The following ZKSCAN5 variants were observed in gnomAD, a reference collection of about 807,000 sequenced individuals.
ZKSCAN5 encodes the protein zinc finger protein with KRAB and SCAN domains 5.
A neutral mutation model predicts 60.0 loss-of-function variants in ZKSCAN5; 28 were observed. That is an observed-to-expected ratio of 0.47 (90% CI 0.35 to 0.64). ZKSCAN5 has a LOEUF of 0.64. ZKSCAN5 is among the 30% of genes least tolerant of loss of function. The probability of loss-of-function intolerance (pLI) is 0.01; values close to 1 mark genes in which losing one functional copy is unlikely to be tolerated. For missense variants in ZKSCAN5, 881 were observed against 1,034.6 expected, an observed-to-expected ratio of 0.85 and a Z score of 2.04; for synonymous variants, 361 against 371.2, an observed-to-expected ratio of 0.97 and a Z score of 0.31.
chr7:99,531,056 CAA>C (rs112083284), intron 6 of ZKSCAN5, 50 bp from the exon 7 acceptor site: 441 of 1,147,994 alleles, frequency 3.8e-4, no homozygotes, highest in Middle Eastern at 1.5e-3. Context: ...GACCCCATCT[CAA>C]AAAAAAAAAA....
chr7:99,511,529 ACCT>A (rs1291944896), intron 2 of ZKSCAN5, among the ~76,000 whole-genome samples: 12 of 151,292 alleles, frequency 7.9e-5, no homozygotes, highest in Non-Finnish European at 1.6e-4. Flanking sequence ...TGCAGCCTTG[ACCT>A]CCTGGGCTCA....
intron 2 of ZKSCAN5, among the ~76,000 whole-genome samples, chr7:99,507,499 G>GTGTATATATA (rs1800800626): frequency 7.6e-6 from 1 of 130,868 alleles, no homozygotes; most frequent in East Asian, 3.8e-4. Flanking sequence ...ATGTATATAT[G>GTGTATATATA]TGTATATATA....
At position 99,525,794 on chromosome 7, in the gene ZKSCAN5, T is replaced by C. The variant is rs1223968785; in HGVS notation, c.773-19T>C. 5 of 1,570,440 alleles carry C rather than the reference T, an allele frequency of 3.2e-6. No homozygotes were observed. Among genetic ancestry groups the C allele is most frequent in the Non-Finnish European group, 4.3e-6 (5 of 1,158,234 alleles). ...TTCAAGGAAAAGCTCATTTTTTAAT[T>C]CTCCCTCTGTTATTTCAGGTTATGA... On this transcript the variant is annotated intron_variant, in intron 5 of 6. Transcript: ENST00000326775.
rs376086569 is a variant in ZKSCAN5 at position 99,524,197 on chromosome 7, A to G, written c.773-1616A>G. Among the ~76,000 whole-genome samples the G allele has an allele frequency of 1.2e-3, 182 of 151,400 alleles. 2 individuals carry two copies. The highest frequency in any genetic ancestry group is 4.1e-3 in the African/African-American group (169 of 41,214). On this transcript the variant is annotated intron_variant, in intron 5 of 6. Coordinates refer to ENST00000326775, the MANE Select transcript of ZKSCAN5 (RefSeq NM_145102.4). Reference sequence around the variant, plus strand: ...GCGATTCTCGTGCCTCAGCCTCCTGAGTAGCTGGGATTACAGGTGTGTGCC... The same window carrying G: ...GCGATTCTCGTGCCTCAGCCTCCTGGGTAGCTGGGATTACAGGTGTGTGCC...
intron 3 of ZKSCAN5, among the ~76,000 whole-genome samples, chr7:99,514,840 G>A (rs566666561): frequency 6.6e-6 from 1 of 151,890 alleles, no homozygotes; most frequent in Non-Finnish European, 1.5e-5. Context: ...GAACCCGGGA[G>A]TTGGAGGTTG....
intron 2 of ZKSCAN5, among the ~76,000 whole-genome samples, chr7:99,510,940 C>T (rs1050343237): frequency 7.9e-5 from 12 of 152,068 alleles, no homozygotes; most frequent in African/African-American, 2.4e-4. Context: ...GGTGTGGTCT[C>T]GCCATGTTGC....
chr7:99,529,797 G>A (rs1055559553), intron 6 of ZKSCAN5, among the ~76,000 whole-genome samples: 2 of 152,026 alleles, frequency 1.3e-5, no homozygotes, highest in East Asian at 1.9e-4. Flanking sequence ...GTGCAGTGGC[G>A]CAATCTTGGC....
At position 99,525,888 on chromosome 7, in the gene ZKSCAN5, C is replaced by T. The variant is rs756964645; in HGVS notation, c.848C>T (p.Pro283Leu). 2 of 1,614,012 alleles carry T rather than the reference C, an allele frequency of 1.2e-6. No individual in the cohort carries two copies. Among genetic ancestry groups the T allele is most frequent in the Middle Eastern group, 1.6e-4 (1 of 6,062 alleles). The part of the protein sequence containing the change: ...SDDSESHWVA[P>L]EHTERSVPQD... Reference sequence around the variant, plus strand: ...GACTCTGAATCACACTGGGTGGCGCCAGAACACACCGAAAGGAGCGTTCCT... The same window carrying T: ...GACTCTGAATCACACTGGGTGGCGCTAGAACACACCGAAAGGAGCGTTCCT... Residue 283 changes from proline (P) to leucine (L), a missense_variant, in exon 6 of 7, where the codon CCA becomes CTA. This residue lies in a region of ZKSCAN5 where 490 missense variants were observed against 554.5 expected (regional missense o/e 0.88). Coordinates refer to ENST00000326775, the MANE Select transcript of ZKSCAN5 (RefSeq NM_145102.4).
chr7:99,528,139 TA>T (rs890799336), intron 6 of ZKSCAN5, among the ~76,000 whole-genome samples: 21 of 150,332 alleles, frequency 1.4e-4, no homozygotes, highest in African/African-American at 4.4e-4. Flanking sequence ...TTTTTTTTTT[TA>T]ATTCTGCCTT....
At chr7:99,528,662 AG>A (rs1801913418) in intron 6 of ZKSCAN5, among the ~76,000 whole-genome samples, 1 of 152,154 alleles carries the variant, frequency 6.6e-6, no homozygotes, top group Non-Finnish European at 1.5e-5. Flanking sequence ...TCTAGGCTTA[AG>A]CGATCCTCCA....
chr7:99,513,492 C>G (rs1053164101), intron 3 of ZKSCAN5, among the ~76,000 whole-genome samples: 1 of 152,120 alleles, frequency 6.6e-6, no homozygotes, highest in Non-Finnish European at 1.5e-5. Context: ...CTCCCAGGTT[C>G]AAGTGATACC....
chr7:99,531,297 G>C lies in ZKSCAN5; in HGVS notation c.1568G>C (p.Gly523Ala). 6.2e-7 allele frequency: 1 copy of C among 1,614,070 alleles called. No homozygotes were observed. The highest frequency in any genetic ancestry group is 8.5e-7 in the Non-Finnish European group (1 of 1,180,026). Residue 523 changes from glycine (G) to alanine (A), a missense_variant, in exon 7 of 7, where the codon GGA (glycine) becomes GCA (alanine). This residue lies in a region of ZKSCAN5 where 490 missense variants were observed against 554.5 expected (regional missense o/e 0.88). Coordinates refer to ENST00000326775, the MANE Select transcript of ZKSCAN5 (RefSeq NM_145102.4). ...KQGIPMKEILGQPSSKRMNYS... is the reference protein window; with the variant it reads ...KQGIPMKEILAQPSSKRMNYS... ...GGAATTCCCATGAAAGAGATACTAG[G>C]ACAACCATCTTCAAAGAGGATGAAC... is the stretch of plus-strand genomic sequence containing the variant.
At chr7:99,528,574 T>G (rs1460550028) in intron 6 of ZKSCAN5, among the ~76,000 whole-genome samples, 1 of 152,052 alleles carries the variant, frequency 6.6e-6, no homozygotes, top group Non-Finnish European at 1.5e-5. Flanking sequence ...CTACAAGTGT[T>G]CACCACCACA....
chr7:99,524,687 G>C (rs966102063), intron 5 of ZKSCAN5, among the ~76,000 whole-genome samples: 4 of 152,192 alleles, frequency 2.6e-5, no homozygotes, highest in African/African-American at 9.7e-5. Context: ...CTTGAAAGTA[G>C]TAGGTTCTTC....
intron 6 of ZKSCAN5, among the ~76,000 whole-genome samples, chr7:99,527,486 C>CT (rs1801843648): frequency 6.6e-6 from 1 of 151,682 alleles, no homozygotes; most frequent in African/African-American, 2.4e-5. Flanking sequence ...TTTTATAAGT[C>CT]TGTTTCACGT....
rs765639153 is a variant in ZKSCAN5 at position 99,526,098 on chromosome 7, A to C, written c.1058A>C (p.Lys353Thr). 6.2e-7 allele frequency: 1 copy of C among 1,614,198 alleles called. No individual in the cohort carries two copies. Among genetic ancestry groups the C allele is most frequent in the Non-Finnish European group, 8.5e-7 (1 of 1,180,040 alleles). Residue 353 changes from lysine (K) to threonine (T), a missense_variant, in exon 6 of 7, where the codon AAA becomes ACA. Coordinates refer to ENST00000326775, the MANE Select transcript of ZKSCAN5 (RefSeq NM_145102.4). ...GGGCACAGATGCAGCGATTGTGGCA[A>C]ATTCTTCCTCCAAGCCTCAAACTTT... ...ERGHRCSDCG[K>T]FFLQASNFIQ...
At chr7:99,520,529 G>A (rs903309897) in intron 5 of ZKSCAN5, among the ~76,000 whole-genome samples, 1 of 151,484 alleles carries the variant, frequency 6.6e-6, no homozygotes, top group African/African-American at 2.4e-5. Context: ...GATAGTACTT[G>A]GGGGGACTGT....
At chr7:99,504,925 A>C (rs1210745534) in intron 1 of ZKSCAN5, 192 bp downstream of exon 1, 2 of 154,110 alleles carry the variant, frequency 1.3e-5, no homozygotes, top group African/African-American at 2.4e-5. Context: ...GAGCAACCTC[A>C]GCCCAACTCT....
At chr7:99,512,687 A>G in intron 3 of ZKSCAN5, 96 bp downstream of exon 3, 1 of 1,460,826 alleles carries the variant, frequency 6.8e-7, no homozygotes, top group Non-Finnish European at 9.2e-7. Flanking sequence ...CTCTAGGCTG[A>G]GCAGCCTCTC....
Sources: gnomAD v4.1 joint callset for allele counts (sites outside exome capture counted in the v4.1 genomes callset) on GRCh38, gnomAD v4.1.1 for gene constraint, gnomAD v4.1.1 regional missense constraint, MANE v1.5 for transcripts, NCBI Gene and HGNC (gene_info 2026-07-23, HGNC 2026-07-21) for gene names.